MIB1: variants seen among roughly 807,000 people sequenced by gnomAD.
The protein encoded by MIB1 is MIB E3 ubiquitin protein ligase 1.
A neutral mutation model predicts 124.5 loss-of-function variants in MIB1; 278 were observed. The observed-to-expected ratio is 2.23, with a 90% confidence interval of 2.02 to 2.47. The LOEUF is 2.47. MIB1 is among the 30% of genes most tolerant of loss of function. The pLI is 0.00. For missense variants in MIB1, 957 were observed against 1,254.4 expected (o/e 0.76, Z 3.58); for synonymous variants, 446 against 429.4 (o/e 1.04, Z -0.48).
Position 21,779,479 on chromosome 18 carries a change from A to C in MIB1, c.704-2A>C, listed in dbSNP as rs1018998967. On this transcript the variant is annotated splice_acceptor_variant, in intron 5 of 20. Coordinates refer to ENST00000261537, the MANE Select transcript of MIB1 (RefSeq NM_020774.4). LOFTEE classifies it high-confidence loss of function. The stretch of plus-strand genomic sequence containing the variant: ...TTTATTCAATTGCCTCTGAAATTAC[A>C]GGTGAGCAGAATGGCAACAGGAATC... 2 of 1,613,394 alleles carry C rather than the reference A, an allele frequency of 1.2e-6. No individual in the cohort carries two copies. Among genetic ancestry groups the C allele is most frequent in the African/African-American group, 1.3e-5 (1 of 74,928 alleles).
At chr18:21,814,796 A>T (rs946608165) in intron 10 of MIB1, among the ~76,000 whole-genome samples, 2 of 147,890 alleles carry the variant, frequency 1.4e-5, no homozygotes, top group Admixed American at 1.3e-4. Context: ...CTGGTCTTGA[A>T]CTCCTAACTT....
intron 1 of MIB1, among the ~76,000 whole-genome samples, chr18:21,717,456 A>G (rs2040694346): frequency 6.6e-6 from 1 of 152,222 alleles, no homozygotes; most frequent in South Asian, 2.1e-4. Context: ...GGGTAAACAG[A>G]CAACCCACAG....
At chr18:21,749,097 T>C (rs2040944922) in intron 1 of MIB1, among the ~76,000 whole-genome samples, 1 of 152,100 alleles carries the variant, frequency 6.6e-6, no homozygotes, top group East Asian at 1.9e-4. Flanking sequence ...TATACATAGT[T>C]TGTTTCATTC....
chr18:21,758,033 A>G (rs568578672), intron 1 of MIB1, among the ~76,000 whole-genome samples: 4 of 152,290 alleles, frequency 2.6e-5, no homozygotes, highest in African/African-American at 7.2e-5. Flanking sequence ...TGAACCTGCC[A>G]CTTACTAATG....
rs1334442664 is a variant in MIB1 at position 21,767,704 on chromosome 18, C to T, written c.402-919C>T. Among the ~76,000 whole-genome samples, 4 of 152,200 alleles carry T rather than the reference C, an allele frequency of 2.6e-5. No individual in the cohort carries two copies. The East Asian group carries it at 5.8e-4, about 22-fold the overall frequency. On this transcript the variant is annotated intron_variant, in intron 2 of 20. Transcript: ENST00000261537. Reference sequence around the variant, plus strand: ...CTGGGACTACAGGCGCCCGCCACCACACCCAGCTAATTTTTTGTATTTTTA... The same window carrying T: ...CTGGGACTACAGGCGCCCGCCACCATACCCAGCTAATTTTTTGTATTTTTA...
intron 2 of MIB1, among the ~76,000 whole-genome samples, chr18:21,766,898 A>G (rs2041167283): frequency 6.6e-6 from 1 of 152,158 alleles, no homozygotes; most frequent in African/African-American, 2.4e-5. Flanking sequence ...ATAAATGAAA[A>G]GAATAGAACA....
chr18:21,760,838 A>T (rs1044991766), intron 1 of MIB1, among the ~76,000 whole-genome samples: 1 of 152,240 alleles, frequency 6.6e-6, no homozygotes, highest in Non-Finnish European at 1.5e-5. Context: ...AGAGCTGCAC[A>T]GTCAGTTAAT....
At chr18:21,755,401 G>T (rs950869465) in intron 1 of MIB1, among the ~76,000 whole-genome samples, 1 of 149,426 alleles carries the variant, frequency 6.7e-6, no homozygotes. Flanking sequence ...GCACTATCTC[G>T]GCTCACTGCA....
intron 19 of MIB1, among the ~76,000 whole-genome samples, chr18:21,857,969 C>G (rs111720986): frequency 4.1e-4 from 62 of 152,096 alleles, no homozygotes; most frequent in African/African-American, 1.5e-3. Flanking sequence ...AATAAAAGAC[C>G]AAGAATCTAG....
chr18:21,750,150 G>A (rs1041682480), intron 1 of MIB1, among the ~76,000 whole-genome samples: 3 of 150,940 alleles, frequency 2.0e-5, no homozygotes, highest in African/African-American at 7.3e-5. Flanking sequence ...ATTTTTTTGA[G>A]GTGGAGTCTC....
rs1427619519 is a variant in MIB1 at position 21,838,457 on chromosome 18, TTAA to T, written c.1927_1929del (p.Asn643del). ...TATACTGCCTTACATCTGGCTGCCC[TTAA>T]TAATCACGTAGAAGTGGCTGAACTG... is the stretch of plus-strand genomic sequence containing the variant. On this transcript the variant is annotated inframe_deletion, in exon 13 of 21. Coordinates refer to ENST00000261537, the MANE Select transcript of MIB1 (RefSeq NM_020774.4). 6.2e-7 allele frequency: 1 copy of T among 1,611,048 alleles called. No homozygotes were observed. The highest frequency in any genetic ancestry group is 8.5e-7 in the Non-Finnish European group (1 of 1,178,484).
chr18:21,830,993 G>A lies in MIB1; in HGVS notation c.1830-7372G>A, dbSNP rs191028959. ...TGCACAGTTATATAGGGAAAGTTAA[G>A]CAATCAAAAAAGGTTGCTACAAAGG... On this transcript the variant is annotated intron_variant, in intron 12 of 20. Coordinates refer to ENST00000261537, the MANE Select transcript of MIB1 (RefSeq NM_020774.4). 4.8e-3 allele frequency among the ~76,000 whole-genome samples: 722 copies of A among 150,792 alleles called. 4 individuals are homozygous for A. Among genetic ancestry groups the A allele is most frequent in the South Asian group, 0.014 (67 of 4,784 alleles).
intron 10 of MIB1, among the ~76,000 whole-genome samples, chr18:21,810,110 A>G (rs1376586558): frequency 6.6e-6 from 1 of 152,138 alleles, no homozygotes; most frequent in Admixed American, 6.5e-5. Flanking sequence ...TCTGTTAACA[A>G]TGAATCTTTC....
Position 21,754,483 on chromosome 18 carries a change from T to C in MIB1, c.230-11289T>C, listed in dbSNP as rs146583631. Among the ~76,000 whole-genome samples, 5 of 152,326 alleles carry C rather than the reference T, an allele frequency of 3.3e-5. No individual in the cohort carries two copies. The East Asian group carries it at 9.6e-4, about 29-fold the overall frequency. ...ATTTAGTCACTTAGTAGCTGCCTCT[T>C]ATCAGATCAACTGTCATGGTATTGT... On this transcript the variant is annotated intron_variant, in intron 1 of 20. Transcript: ENST00000261537.
intron 12 of MIB1, among the ~76,000 whole-genome samples, chr18:21,836,754 T>C (rs1440819932): frequency 6.6e-6 from 1 of 152,228 alleles, no homozygotes. Flanking sequence ...CTTTTAAATT[T>C]TCCAGAACTG....
At chr18:21,735,701 C>T (rs956741995) in intron 1 of MIB1, among the ~76,000 whole-genome samples, 1 of 152,168 alleles carries the variant, frequency 6.6e-6, no homozygotes, top group Non-Finnish European at 1.5e-5. Context: ...GAGGGGCATC[C>T]GCCATTGCTG....
intron 13 of MIB1, 105 bp from the exon 14 acceptor site, chr18:21,843,026 A>G: frequency 1.4e-6 from 1 of 708,140 alleles, no homozygotes. Context: ...AGGAGAAAGT[A>G]GCCAGCAGTG....
chr18:21,708,586 G>T (rs1293919062), intron 1 of MIB1, among the ~76,000 whole-genome samples: 1 of 152,146 alleles, frequency 6.6e-6, no homozygotes, highest in South Asian at 2.1e-4. Context: ...AACCCGGGAA[G>T]GCGGAGATTC....
chr18:21,732,981 A>G (rs2040779157), intron 1 of MIB1, among the ~76,000 whole-genome samples: 1 of 152,184 alleles, frequency 6.6e-6, no homozygotes, highest in African/African-American at 2.4e-5. Context: ...CAGCATCTCA[A>G]AAAACGGTTG....
Sources: gnomAD v4.1 joint callset for allele counts (sites outside exome capture counted in the v4.1 genomes callset) on GRCh38, gnomAD v4.1.1 for gene constraint, MANE v1.5 for transcripts, NCBI Gene and HGNC (gene_info 2026-07-23, HGNC 2026-07-21) for gene names.